OR5T2: variants seen among roughly 807,000 people sequenced by gnomAD.
The protein encoded by OR5T2 is olfactory receptor family 5 subfamily T member 2.
A neutral mutation model predicts 13.7 loss-of-function variants in OR5T2; 12 were observed. The ratio of observed to expected loss-of-function variants is 0.88; its 90% CI spans 0.56 to 1.42. OR5T2 has a LOEUF of 1.42. Ranked by LOEUF, OR5T2 falls within the 40% of genes most tolerant of loss-of-function variation. OR5T2 has a pLI of 0.00. For synonymous variants in OR5T2, 146 were observed against 139.5 expected, an observed-to-expected ratio of 1.05 and a Z score of -0.33; for missense variants, 475 against 372.0, an observed-to-expected ratio of 1.28 and a Z score of -2.28.
chr11:56,231,904 C>A lies in OR5T2; in HGVS notation c.*202G>T. ...AGTAAGGCAGACATTGGAACCCAGC[C>A]TTGGTGCAAGTGAAAGGAGGGCAGG... On this transcript the variant is annotated 3_prime_UTR_variant, in exon 2 of 2. Coordinates refer to ENST00000641661, the MANE Select transcript of OR5T2 (RefSeq NM_001004746.4). The A allele has an allele frequency of 2.2e-6, 1 of 453,158 alleles. No individual in the cohort carries two copies. Among genetic ancestry groups the A allele is most frequent in the Non-Finnish European group, 3.8e-6 (1 of 261,264 alleles). The allele number at this position is 453,158 out of a possible 1,614,324, so 28.1% of individuals were successfully genotyped here. A position where few individuals can be genotyped will look rare whatever the true frequency, so the allele number is the denominator to read the frequency against.
rs2134764285 is a variant in OR5T2 at position 56,232,848 on chromosome 11, G to T, written c.215C>A (p.Ser72Tyr). 6.2e-7 allele frequency: 1 copy of T among 1,612,752 alleles called. No homozygotes were observed. Among genetic ancestry groups the T allele is most frequent in the Non-Finnish European group, 8.5e-7 (1 of 1,179,328 alleles). Reference sequence around the variant, plus strand: ...TAACATATTTGGGGTAATAACTGAGGAATAGCAGGCATCCACAGAAGACAA... The same window carrying T: ...TAACATATTTGGGGTAATAACTGAGTAATAGCAGGCATCCACAGAAGACAA... ...SMLSSVDACY[S>Y]SVITPNMLVD... The change falls in exon 2 of 2, where the codon TCC becomes TAC. Residue 72 changes from serine (S) to tyrosine (Y), a missense_variant. Coordinates refer to ENST00000641661, the MANE Select transcript of OR5T2 (RefSeq NM_001004746.4).
chr11:56,232,250 T>C lies in OR5T2; in HGVS notation c.813A>G (p.Ile271Met). ...TCACAATGGTGTAAAATATTGACAC[T>C]ATCATGTCATGGTCCGAAGCATAGC... ...SSSYASDHDM[I>M]VSIFYTIVIP... Residue 271 changes from isoleucine to methionine, a missense_variant, in exon 2 of 2, where the codon ATA becomes ATG. Transcript: ENST00000641661. 10 of 1,613,274 alleles carry C rather than the reference T, an allele frequency of 6.2e-6. No individual in the cohort carries two copies. The highest frequency in any genetic ancestry group is 8.5e-6 in the Non-Finnish European group (10 of 1,179,374).
Position 56,232,892 on chromosome 11 carries a change from C to T in OR5T2, c.171G>A (p.Met57Ile). The stretch of plus-strand genomic sequence containing the variant: ...AAGACAACATACTCAGAAAATAGTA[C>T]ATGGGTTTGTGGAGCTGGGAATCCC... ...VIRDSQLHKP[M>I]YYFLSMLSSV... Residue 57 changes from methionine (M) to isoleucine (I), a missense_variant, in exon 2 of 2, where the codon ATG (methionine) becomes ATA (isoleucine). Physicochemically the swap from Met to Ile is conservative, Grantham distance 10 (BLOSUM62 1). Coordinates refer to ENST00000641661, the MANE Select transcript of OR5T2 (RefSeq NM_001004746.4). 1 of 1,612,158 alleles carries T rather than the reference C, an allele frequency of 6.2e-7. No individual in the cohort carries two copies. Among genetic ancestry groups the T allele is most frequent in the Non-Finnish European group, 8.5e-7 (1 of 1,179,128 alleles).
intron 1 of OR5T2, 35 bp from the exon 2 acceptor site, chr11:56,233,299 A>T (rs993443628): frequency 1.3e-6 from 1 of 798,992 alleles, no homozygotes; most frequent in African/African-American, 1.7e-5. Context: ...GACGTTCATT[A>T]GTTGGCTGGA....
In OR5T2 at chr11:56,233,049, G is replaced by C; in HGVS notation, c.14C>G (p.Thr5Ser). The C allele has an allele frequency of 6.2e-7, 1 of 1,606,450 alleles. No homozygotes were observed. The highest frequency in any genetic ancestry group is 8.5e-7 in the Non-Finnish European group (1 of 1,173,956). MKNV[T>S]EVTLFVLKGF... ...CTTCAGTACAAATAAGGTAACTTCAGTGACATTCTTCATGTTGAAATCTAG... is the reference window on the plus strand; with the variant it reads ...CTTCAGTACAAATAAGGTAACTTCACTGACATTCTTCATGTTGAAATCTAG... The change falls in exon 2 of 2, where the codon ACT becomes AGT. Residue 5 changes from threonine to serine, a missense_variant. By Grantham distance (58) the Thr-to-Ser change is moderately conservative. Coordinates refer to ENST00000641661, the MANE Select transcript of OR5T2 (RefSeq NM_001004746.4).
chr11:56,232,393 GAATGGCCAACAGAATCAAACC>G lies in OR5T2; in HGVS notation c.649_669del (p.Gly217_Ile223del). 1 of 1,610,806 alleles carries G rather than the reference GAATGGCCAACAGAATCAAACC, an allele frequency of 6.2e-7. No homozygotes were observed. The highest frequency in any genetic ancestry group is 1.7e-5 in the Admixed American group (1 of 59,928). On this transcript the variant is annotated inframe_deletion, in exon 2 of 2. Coordinates refer to ENST00000641661, the MANE Select transcript of OR5T2 (RefSeq NM_001004746.4). Reference sequence around the variant, plus strand: ...CTCCCTTCAGCAGAATACATCTTCAGAATGGCCAACAGAATCAAACCATAGGAGATCAGAACAATCAGGATA... The same window carrying G: ...CTCCCTTCAGCAGAATACATCTTCAGATAGGAGATCAGAACAATCAGGATA...
chr11:56,232,036 A>T lies in OR5T2; in HGVS notation c.*70T>A. On this transcript the variant is annotated 3_prime_UTR_variant, in exon 2 of 2. Coordinates refer to ENST00000641661, the MANE Select transcript of OR5T2 (RefSeq NM_001004746.4). The stretch of plus-strand genomic sequence containing the variant: ...CCAGGAACCCTGGATGGAAACCAAC[A>T]TATATCATAACACCACAATGACACA... 8.5e-6 allele frequency: 11 copies of T among 1,291,110 alleles called. No homozygotes were observed. The highest frequency in any genetic ancestry group is 1.1e-5 in the Non-Finnish European group (11 of 957,938). 80.0% of individuals were successfully genotyped at this position (1,291,110 alleles called of 1,614,324 possible).
rs894800064 is a variant in OR5T2, at chr11:56,231,545, T to C, written c.*561A>G. The C allele has an allele frequency of 2.0e-5, 3 of 152,144 alleles. No homozygotes were observed. The highest frequency in any genetic ancestry group is 7.2e-5 in the African/African-American group (3 of 41,424). The allele number at this position is 152,144 out of a possible 1,614,324, so 9.4% of individuals were successfully genotyped here. A position where few individuals can be genotyped will look rare whatever the true frequency, so the allele number is the denominator to read the frequency against. Reference sequence around the variant, plus strand: ...TCTCTGAAACTTTGACCAACCTGCTTCAAGTTGGATCTCCCATGACCCCCT... The same window carrying C: ...TCTCTGAAACTTTGACCAACCTGCTCCAAGTTGGATCTCCCATGACCCCCT... On this transcript the variant is annotated 3_prime_UTR_variant, in exon 2 of 2. Coordinates refer to ENST00000641661, the MANE Select transcript of OR5T2 (RefSeq NM_001004746.4).
At position 56,232,971 on chromosome 11, in the gene OR5T2, G is replaced by A. The variant is rs1853313646; in HGVS notation, c.92C>T (p.Ala31Val). The change falls in exon 2 of 2, where the codon GCA (alanine) becomes GTA (valine). Residue 31 changes from alanine (A) to valine (V), a missense_variant. Physicochemically the swap from Ala to Val is moderately conservative, Grantham distance 64. Coordinates refer to ENST00000641661, the MANE Select transcript of OR5T2 (RefSeq NM_001004746.4). The stretch of plus-strand genomic sequence containing the variant: ...TCCCATGAGAGTGAAGAGGTAGATT[G>A]CTAGAAACAGGAAGAAGAAGATAGT... Reference protein sequence around the residue: ...LQTIFFFLFLAIYLFTLMGNL... With the variant: ...LQTIFFFLFLVIYLFTLMGNL... 3.1e-6 allele frequency: 5 copies of A among 1,608,818 alleles called. No homozygotes were observed. The highest frequency in any genetic ancestry group is 4.2e-6 in the Non-Finnish European group (5 of 1,177,568).
At position 56,232,317 on chromosome 11, in the gene OR5T2, T is replaced by A; in HGVS notation, c.746A>T (p.Tyr249Phe). 3 of 1,609,172 alleles carry A rather than the reference T, an allele frequency of 1.9e-6. No homozygotes were observed. Among genetic ancestry groups the A allele is most frequent in the Non-Finnish European group, 2.5e-6 (3 of 1,177,648 alleles). The change falls in exon 2 of 2, where the codon TAT (tyrosine) becomes TTT (phenylalanine). Residue 249 changes from tyrosine (Y) to phenylalanine (F), a missense_variant. Coordinates refer to ENST00000641661, the MANE Select transcript of OR5T2 (RefSeq NM_001004746.4). ...CGAHLTGVSI[Y>F]YGTILFMYVR... Reference sequence around the variant, plus strand: ...ATACATGAAGAGGATTGTCCCATAATAAATTGACACTCCAGTTAGGTGAGC... The same window carrying A: ...ATACATGAAGAGGATTGTCCCATAAAAAATTGACACTCCAGTTAGGTGAGC...
At chr11:56,233,375 T>A (rs1853323070) in intron 1 of OR5T2, 111 bp from the exon 2 acceptor site, 1 of 414,734 alleles carries the variant, frequency 2.4e-6, no homozygotes, top group Middle Eastern at 5.2e-4. Flanking sequence ...TTAAGCTGTT[T>A]ATATATTAAA....
At chr11:56,233,700 AT>A (rs1853329205) in intron 1 of OR5T2, among the ~76,000 whole-genome samples, 1 of 152,054 alleles carries the variant, frequency 6.6e-6, no homozygotes, top group East Asian at 1.9e-4. Flanking sequence ...AACAGTTATG[AT>A]TTTTTTCATC....
At position 56,231,985 on chromosome 11, in the gene OR5T2, G is replaced by T; in HGVS notation, c.*121C>A. ...ACACCCAACATTATAACAAAAGACT[G>T]TAACAAAGGCTATGGGAATTATGAG... On this transcript the variant is annotated 3_prime_UTR_variant, in exon 2 of 2. Coordinates refer to ENST00000641661, the MANE Select transcript of OR5T2 (RefSeq NM_001004746.4). 2.5e-6 allele frequency: 2 copies of T among 804,210 alleles called. No homozygotes were observed. The highest frequency in any genetic ancestry group is 1.8e-6 in the Non-Finnish European group (1 of 542,610). 49.8% of individuals were successfully genotyped at this position (804,210 alleles called of 1,614,324 possible).
In OR5T2 at chr11:56,232,044, T is replaced by C. The variant is rs968270491; in HGVS notation, c.*62A>G. On this transcript the variant is annotated 3_prime_UTR_variant, in exon 2 of 2. Transcript: ENST00000641661. ...CCTGGATGGAAACCAACATATATCA[T>C]AACACCACAATGACACATTCTTGGT... 2 of 1,366,822 alleles carry C rather than the reference T, an allele frequency of 1.5e-6. No individual in the cohort carries two copies. Among genetic ancestry groups the C allele is most frequent in the African/African-American group, 2.9e-5 (2 of 67,936 alleles). 84.7% of individuals were successfully genotyped at this position (1,366,822 alleles called of 1,614,324 possible). A position where few individuals can be genotyped will look rare whatever the true frequency, so the allele number is the denominator to read the frequency against.
At position 56,232,519 on chromosome 11, in the gene OR5T2, G is replaced by T; in HGVS notation, c.544C>A (p.Leu182Ile). The T allele has an allele frequency of 1.2e-6, 2 of 1,611,296 alleles. No homozygotes were observed. Among genetic ancestry groups the T allele is most frequent in the Non-Finnish European group, 1.7e-6 (2 of 1,178,490 alleles). The change falls in exon 2 of 2, where the codon CTC becomes ATC. Residue 182 changes from leucine (L) to isoleucine (I), a missense_variant. By Grantham distance (5) the Leu-to-Ile change is conservative. Coordinates refer to ENST00000641661, the MANE Select transcript of OR5T2 (RefSeq NM_001004746.4). ...GTGTCAGAATAAGAAATAGCAAGGAGAGGAGGGATATCACAAAAGACACGC... is the reference window on the plus strand; with the variant it reads ...GTGTCAGAATAAGAAATAGCAAGGATAGGAGGGATATCACAAAAGACACGC... ...IRRVFCDIPP[L>I]LAISYSDTHT...
chr11:56,232,367 C>T lies in OR5T2; in HGVS notation c.696G>A (p.Arg232=), dbSNP rs1853296728. Residue 232 remains arginine (R), a synonymous_variant, in exon 2 of 2, where the codon AGG becomes AGA. Transcript: ENST00000641661. ...AILKMYSAEG[R]RKVFSTCGAH... ...CTCCACATGTGGAGAAGACTTTTCT[C>T]CTCCCTTCAGCAGAATACATCTTCA... The T allele has an allele frequency of 4.4e-6, 7 of 1,609,150 alleles. No individual in the cohort carries two copies. Among genetic ancestry groups the T allele is most frequent in the Non-Finnish European group, 5.9e-6 (7 of 1,177,424 alleles).
chr11:56,232,876 T>A lies in OR5T2; in HGVS notation c.187A>T (p.Met63Leu), dbSNP rs1853310850. ...TAGCAGGCATCCACAGAAGACAACA[T>A]ACTCAGAAAATAGTACATGGGTTTG... ...LHKPMYYFLS[M>L]LSSVDACYSS... Residue 63 changes from methionine (M) to leucine (L), a missense_variant, in exon 2 of 2, where the codon ATG (methionine) becomes TTG (leucine). Physicochemically the swap from Met to Leu is conservative, Grantham distance 15 (BLOSUM62 2). Transcript: ENST00000641661. The A allele has an allele frequency of 6.2e-7, 1 of 1,612,234 alleles. No individual in the cohort carries two copies. The highest frequency in any genetic ancestry group is 8.5e-7 in the Non-Finnish European group (1 of 1,179,122).
rs551785776 is a variant in OR5T2, at chr11:56,233,388, A to G, written c.-202-124T>C. ...TATTAAGCTGTTTATATATTAAATA[A>G]TATTAAAACACACAAAAATGAGTGG... On this transcript the variant is annotated intron_variant, in intron 1 of 1. Transcript: ENST00000641661. 55 of 395,732 alleles carry G rather than the reference A, an allele frequency of 1.4e-4. No individual in the cohort carries two copies. In the South Asian group the frequency reaches 1.6e-3, roughly 12 times the overall value. 24.5% of individuals were successfully genotyped at this position (395,732 alleles called of 1,614,324 possible). A position where few individuals can be genotyped will look rare whatever the true frequency, so the allele number is the denominator to read the frequency against.
At position 56,232,362 on chromosome 11, in the gene OR5T2, T is replaced by A. The variant is rs1007909492; in HGVS notation, c.701A>T (p.Lys234Ile). 6.2e-7 allele frequency: 1 copy of A among 1,608,572 alleles called. No homozygotes were observed. Reference sequence around the variant, plus strand: ...GTGAGCTCCACATGTGGAGAAGACTTTTCTCCTCCCTTCAGCAGAATACAT... The same window carrying A: ...GTGAGCTCCACATGTGGAGAAGACTATTCTCCTCCCTTCAGCAGAATACAT... ...LKMYSAEGRR[K>I]VFSTCGAHLT... Residue 234 changes from lysine to isoleucine, a missense_variant, in exon 2 of 2, where the codon AAA becomes ATA. By Grantham distance (102) the Lys-to-Ile change is moderately radical. Transcript: ENST00000641661.
Sources: allele counts gnomAD v4.1 joint callset (sites outside exome capture counted in the v4.1 genomes callset), GRCh38; gene constraint gnomAD v4.1.1; transcripts MANE v1.5; gene names NCBI Gene and HGNC (gene_info 2026-07-23, HGNC 2026-07-21).